PDE3B: variants seen among roughly 807,000 people sequenced by gnomAD.
PDE3B encodes phosphodiesterase 3B.
Under a neutral mutation model 116.8 loss-of-function variants are expected in PDE3B, and 66 were observed. The ratio of observed to expected loss-of-function variants is 0.56; its 90% CI spans 0.46 to 0.69. PDE3B has a LOEUF of 0.69. Among genes scored for constraint, PDE3B ranks in the 30% least tolerant of loss-of-function variants. The pLI is 0.00. For missense variants in PDE3B, 1,384 were observed against 1,368.1 expected (o/e 1.01, Z -0.18); for synonymous variants, 595 against 533.6 (o/e 1.12, Z -1.59).
chr11:14,822,751 TAGACCCCCATAC>T (rs1859561394), intron 7 of PDE3B, among the ~76,000 whole-genome samples: 1 of 152,182 alleles, frequency 6.6e-6, no homozygotes, highest in South Asian at 2.1e-4. Flanking sequence ...AGTAGGAGGT[TAGACCCCCATAC>T]AGACCCCTAA....
At chr11:14,781,505 C>T (rs746976486) in intron 2 of PDE3B, among the ~76,000 whole-genome samples, 11 of 152,168 alleles carry the variant, frequency 7.2e-5, no homozygotes, top group Non-Finnish European at 1.3e-4. Context: ...GCTGGTTCAA[C>T]ATACACAAAT....
intron 1 of PDE3B, among the ~76,000 whole-genome samples, chr11:14,770,343 G>C (rs550145361): frequency 6.6e-6 from 1 of 151,534 alleles, no homozygotes; most frequent in South Asian, 2.1e-4. Flanking sequence ...CTCCAAAGAA[G>C]CTGACAGGCT....
At chr11:14,898,636 A>G in the PDE3B span, among the ~76,000 whole-genome samples, 1 of 152,302 alleles carries the variant, frequency 6.6e-6, no homozygotes, top group East Asian at 1.9e-4. Context: ...GACTCACTCA[A>G]GGTTACACAT....
At chr11:14,740,495 C>T (rs976154303) in intron 1 of PDE3B, among the ~76,000 whole-genome samples, 1 of 151,966 alleles carries the variant, frequency 6.6e-6, no homozygotes, top group Non-Finnish European at 1.5e-5. Context: ...TCTCTCTTTT[C>T]ATCTTTATTA....
intron 1 of PDE3B, chr11:14,673,947 G>C (rs1371895560): frequency 7.3e-7 from 1 of 1,364,458 alleles, no homozygotes; most frequent in Non-Finnish European, 1.0e-6. Context: ...GTTTCCACCA[G>C]ATTTCTTGTA....
chr11:14,867,290 T>A (rs1555008220), intron 14 of PDE3B, among the ~76,000 whole-genome samples: 1 of 152,210 alleles, frequency 6.6e-6, no homozygotes, highest in Non-Finnish European at 1.5e-5. Flanking sequence ...GTATCAGCCA[T>A]ATTGGTTGAT....
intron 12 of PDE3B, among the ~76,000 whole-genome samples, chr11:14,844,256 C>G (rs1223210453): frequency 6.6e-6 from 1 of 152,166 alleles, no homozygotes; most frequent in East Asian, 1.9e-4. Flanking sequence ...TGAAACAACT[C>G]ATTGTTTTGT....
chr11:14,842,071 G>A (rs1847483964), intron 11 of PDE3B, among the ~76,000 whole-genome samples: 1 of 151,578 alleles, frequency 6.6e-6, no homozygotes, highest in South Asian at 2.1e-4. Context: ...TAATTTATTA[G>A]TTCTAATAGT....
intron 7 of PDE3B, among the ~76,000 whole-genome samples, chr11:14,821,616 G>C (rs1012368811): frequency 2.6e-5 from 4 of 150,968 alleles, no homozygotes; most frequent in African/African-American, 9.8e-5. Flanking sequence ...AAGAATACTC[G>C]AATAGTCTAA....
chr11:14,769,025 T>C (rs2133895131), intron 1 of PDE3B, among the ~76,000 whole-genome samples: 1 of 151,566 alleles, frequency 6.6e-6, no homozygotes, highest in South Asian at 2.1e-4. Flanking sequence ...TTTCAATTCC[T>C]AATATGAAGG....
Position 14,656,549 on chromosome 11 carries a change from A to T in PDE3B, c.978+11496A>T, listed in dbSNP as rs558048161. On this transcript the variant is annotated intron_variant, in intron 1 of 15. Coordinates refer to ENST00000282096, the MANE Select transcript of PDE3B (RefSeq NM_000922.4). Reference sequence around the variant, plus strand: ...CACAGTGGTGAAGCTAGACTGCTTGAGTTTAAATGTCATCTCTACCACTTA... The same window carrying T: ...CACAGTGGTGAAGCTAGACTGCTTGTGTTTAAATGTCATCTCTACCACTTA... Among the ~76,000 whole-genome samples, 4 of 152,260 alleles carry T rather than the reference A, an allele frequency of 2.6e-5. No individual in the cohort carries two copies. In the South Asian group the frequency reaches 6.2e-4, roughly 24 times the overall value.
At chr11:14,795,666 C>T (rs1315672258) in intron 4 of PDE3B, among the ~76,000 whole-genome samples, 4 of 152,174 alleles carry the variant, frequency 2.6e-5, no homozygotes, top group African/African-American at 9.6e-5. Context: ...GGAGAAATCT[C>T]TCTTTGTCTT....
chr11:14,693,221 C>A (rs1855097300), intron 1 of PDE3B, among the ~76,000 whole-genome samples: 1 of 152,154 alleles, frequency 6.6e-6, no homozygotes, highest in Non-Finnish European at 1.5e-5. Context: ...GAGGTTTTAG[C>A]AACTATCTCC....
the PDE3B span, chr11:14,879,371 A>G: frequency 1.2e-6 from 2 of 1,611,154 alleles, no homozygotes; most frequent in Non-Finnish European, 1.7e-6. Flanking sequence ...AGTATAAGGC[A>G]TTTTGCATTT....
At chr11:14,858,128 A>T (rs1847882618) in intron 12 of PDE3B, among the ~76,000 whole-genome samples, 2 of 152,182 alleles carry the variant, frequency 1.3e-5, no homozygotes. Context: ...AAATAAGTAG[A>T]GCTATTCAAT....
intron 4 of PDE3B, among the ~76,000 whole-genome samples, chr11:14,801,628 G>A (rs1797385119): frequency 6.6e-6 from 1 of 152,202 alleles, no homozygotes; most frequent in Non-Finnish European, 1.5e-5. Context: ...CCCACTTGAG[G>A]AGGTAGTCTG....
intron 8 of PDE3B, 23 bp downstream of exon 8, chr11:14,830,869 G>A: frequency 6.9e-7 from 1 of 1,458,116 alleles, no homozygotes; most frequent in Non-Finnish European, 9.1e-7. Context: ...CTTTCAATAT[G>A]ATTATGTTAA....
chr11:14,709,159 A>G (rs1828928557), intron 1 of PDE3B, among the ~76,000 whole-genome samples: 1 of 152,112 alleles, frequency 6.6e-6, no homozygotes, highest in South Asian at 2.1e-4. Context: ...GTGAAAAAAA[A>G]GTGCAGAGTG....
In PDE3B at chr11:14,753,109, T is replaced by A. The variant is rs184709362; in HGVS notation, c.979-18828T>A. Among the ~76,000 whole-genome samples, 327 of 152,216 alleles carry A rather than the reference T, an allele frequency of 2.1e-3. 2 individuals carry two copies. The highest frequency in any genetic ancestry group is 3.9e-3 in the Non-Finnish European group (266 of 67,982). Reference sequence around the variant, plus strand: ...CCTTTGTTTCCCTATTCACCATCCATTGGATCATAGGAAAAATTAACTGTT... The same window carrying A: ...CCTTTGTTTCCCTATTCACCATCCAATGGATCATAGGAAAAATTAACTGTT... On this transcript the variant is annotated intron_variant, in intron 1 of 15. Coordinates refer to ENST00000282096, the MANE Select transcript of PDE3B (RefSeq NM_000922.4).
Sources: allele counts gnomAD v4.1 joint callset (sites outside exome capture counted in the v4.1 genomes callset), GRCh38; gene constraint gnomAD v4.1.1; transcripts MANE v1.5; gene names NCBI Gene and HGNC (gene_info 2026-07-23, HGNC 2026-07-21).